The following MYO9A variants were observed in gnomAD, a reference collection of about 807,000 sequenced individuals.
The protein encoded by MYO9A is unconventional myosin-IXa.
In MYO9A, 103 loss-of-function variants were observed where a neutral mutation model predicts 293.3. That is an observed-to-expected ratio of 0.35 (90% CI 0.30 to 0.41). The LOEUF (loss-of-function observed/expected upper bound fraction) is 0.41. Among genes scored for constraint, MYO9A ranks in the 10% least tolerant of loss-of-function variants. The probability of loss-of-function intolerance (pLI) is 1.00; values close to 1 mark genes in which losing one functional copy is unlikely to be tolerated. For missense variants in MYO9A, 2,685 were observed against 3,033.0 expected (o/e 0.89, Z 2.69); for synonymous variants, 1,001 against 1,035.7 (o/e 0.97, Z 0.64).
In MYO9A at chr15:71,898,781, T is replaced by C; in HGVS notation, c.3722A>G (p.Gln1241Arg). ...PNKQQERAQSQSGVDLQEDVL... is the reference protein window; with the variant it reads ...PNKQQERAQSRSGVDLQEDVL... ...ATCTTCCTGCAAGTCCACACCACTC[T>C]GGCTTTGGGCTCTCTCCTGCTGCTT... is the stretch of plus-strand genomic sequence containing the variant. The change falls in exon 25 of 42, where the codon CAG becomes CGG. Residue 1241 changes from glutamine to arginine, a missense_variant. Around this residue, in one of 10 missense-constraint regions of MYO9A, gnomAD observed 1,434 missense variants for 1,497.7 expected, o/e 0.96. Transcript: ENST00000356056. 1 of 1,614,192 alleles carries C rather than the reference T, an allele frequency of 6.2e-7. No individual in the cohort carries two copies. The highest frequency in any genetic ancestry group is 8.5e-7 in the Non-Finnish European group (1 of 1,180,026).
At chr15:72,113,999 TAGG>T (rs2151188654) in intron 1 of MYO9A, among the ~76,000 whole-genome samples, 1 of 152,196 alleles carries the variant, frequency 6.6e-6, no homozygotes, top group African/African-American at 2.4e-5. Context: ...AGCTATGACA[TAGG>T]GGGAAAAAAA....
intron 2 of MYO9A, among the ~76,000 whole-genome samples, chr15:72,033,110 C>T (rs1250220329): frequency 6.6e-6 from 1 of 152,104 alleles, no homozygotes; most frequent in Admixed American, 6.5e-5. Flanking sequence ...CTCGGCCTCC[C>T]AAAGTGCTAG....
intron 1 of MYO9A, among the ~76,000 whole-genome samples, chr15:72,109,850 C>T (rs908659809): frequency 4.0e-5 from 6 of 151,672 alleles, no homozygotes; most frequent in African/African-American, 1.2e-4. Context: ...GAGCCAAGAT[C>T]GCACCACTGC....
intron 11 of MYO9A, among the ~76,000 whole-genome samples, chr15:71,990,116 A>T (rs1228474921): frequency 6.8e-6 from 1 of 148,084 alleles, no homozygotes; most frequent in Non-Finnish European, 1.5e-5. Context: ...AGACAGTCTC[A>T]TTCTGTTGCC....
At chr15:72,004,826 T>A (rs928044234) in intron 8 of MYO9A, among the ~76,000 whole-genome samples, 11 of 152,108 alleles carry the variant, frequency 7.2e-5, no homozygotes, top group African/African-American at 2.7e-4. Flanking sequence ...TACAAAAAAA[T>A]AACTGAAAAG....
Position 71,826,428 on chromosome 15 carries a change from G to T in MYO9A, c.*152C>A. On this transcript the variant is annotated 3_prime_UTR_variant, in exon 42 of 42. Coordinates refer to ENST00000356056, the MANE Select transcript of MYO9A (RefSeq NM_006901.4). ...GCTTTCTGCTTCTGCAGGAGGCCCA[G>T]GAATTCAGCACATACAGTCTTAGCC... 1.4e-6 allele frequency: 1 copy of T among 713,316 alleles called. No individual in the cohort carries two copies. The highest frequency in any genetic ancestry group is 2.2e-6 in the Non-Finnish European group (1 of 459,172). 44.2% of individuals were successfully genotyped at this position (713,316 alleles called of 1,614,324 possible).
chr15:71,829,202 ACAT>A (rs1216496999), intron 40 of MYO9A, among the ~76,000 whole-genome samples: 1 of 152,170 alleles, frequency 6.6e-6, no homozygotes, highest in African/African-American at 2.4e-5. Flanking sequence ...TGGTCAATGT[ACAT>A]CATCTTTGCC....
chr15:72,048,697 C>T (rs147992470), intron 1 of MYO9A, among the ~76,000 whole-genome samples: 222 of 152,034 alleles, frequency 1.5e-3, no homozygotes, highest in African/African-American at 4.7e-3. Context: ...CAAATTTTAC[C>T]TTGGCTATTT....
chr15:71,902,868 C>A, intron 22 of MYO9A, 73 bp downstream of exon 22: 1 of 1,209,650 alleles, frequency 8.3e-7, no homozygotes, highest in South Asian at 1.8e-5. Context: ...AATAAACAAT[C>A]TCATAGGCAA....
chr15:72,069,835 G>A (rs914093138), intron 1 of MYO9A, among the ~76,000 whole-genome samples: 2 of 152,000 alleles, frequency 1.3e-5, no homozygotes, highest in Non-Finnish European at 2.9e-5. Flanking sequence ...AGGGCCGGGG[G>A]AGGCTGGTGT....
chr15:72,000,851 A>T (rs2076843212), intron 8 of MYO9A, among the ~76,000 whole-genome samples: 1 of 152,220 alleles, frequency 6.6e-6, no homozygotes, highest in African/African-American at 2.4e-5. Flanking sequence ...TGCAGCATAT[A>T]AATATACCAC....
intron 19 of MYO9A, among the ~76,000 whole-genome samples, chr15:71,905,303 T>G (rs1433033125): frequency 6.6e-6 from 1 of 152,168 alleles, no homozygotes; most frequent in Non-Finnish European, 1.5e-5. Context: ...ATCAAACAAT[T>G]TTATTCAAAC....
chr15:71,827,132 G>GA (rs1315325486), intron 41 of MYO9A, 89 bp from the exon 42 acceptor site: 1 of 1,017,112 alleles, frequency 9.8e-7, no homozygotes, highest in Non-Finnish European at 1.4e-6. Context: ...GTTCACACAT[G>GA]AAATTGGGTG....
chr15:71,830,338 G>C, intron 39 of MYO9A, 27 bp from the exon 40 acceptor site: 1 of 1,602,804 alleles, frequency 6.2e-7, no homozygotes, highest in Non-Finnish European at 8.5e-7. Flanking sequence ...ATGTTAGAAA[G>C]TAAATTGAGT....
chr15:71,877,168 A>G (rs1159218322), intron 31 of MYO9A, among the ~76,000 whole-genome samples: 1 of 152,212 alleles, frequency 6.6e-6, no homozygotes, highest in Admixed American at 6.5e-5. Context: ...AAACACATTG[A>G]TAACTTTGTC....
At chr15:71,850,229 A>C in intron 37 of MYO9A, 62 bp from the exon 38 acceptor site, 1 of 1,575,410 alleles carries the variant, frequency 6.3e-7, no homozygotes, top group Non-Finnish European at 8.7e-7. Context: ...CACCATAGGG[A>C]AATAGGCAGA....
chr15:72,101,092 A>G (rs2080288438), intron 1 of MYO9A, among the ~76,000 whole-genome samples: 1 of 135,184 alleles, frequency 7.4e-6, no homozygotes, highest in African/African-American at 2.8e-5. Flanking sequence ...CCGCCAGGCC[A>G]GCCGCCCCGT....
chr15:71,874,765 G>T (rs1435530500), intron 32 of MYO9A, among the ~76,000 whole-genome samples: 2 of 152,038 alleles, frequency 1.3e-5, no homozygotes, highest in Non-Finnish European at 2.9e-5. Flanking sequence ...CCTCCCAAAC[G>T]CCTTCATATG....
In MYO9A at chr15:71,850,765, C is replaced by CAAAAAAAAAAAA. The variant is rs780727961; in HGVS notation, c.6581+476_6581+487dup. Among the ~76,000 whole-genome samples the CAAAAAAAAAAAA allele has an allele frequency of 4.3e-4, 19 of 44,124 alleles. 2 individuals are homozygous for CAAAAAAAAAAAA. Among genetic ancestry groups the CAAAAAAAAAAAA allele is most frequent in the African/African-American group, 7.0e-4 (7 of 10,004 alleles). 28.9% of individuals were successfully genotyped at this position (44,124 alleles called of 152,430 possible). A position where few individuals can be genotyped will look rare whatever the true frequency, so the allele number is the denominator to read the frequency against. On this transcript the variant is annotated intron_variant, in intron 37 of 41. Transcript: ENST00000356056. The stretch of plus-strand genomic sequence containing the variant: ...TGGGTGACAGACTGAAACTGTGTCT[C>CAAAAAAAAAAAA]AAAAAAAAAAAAAAAAAAAAAAAAA...
Sources: allele counts gnomAD v4.1 joint callset (sites outside exome capture counted in the v4.1 genomes callset), GRCh38; gene constraint gnomAD v4.1.1; regional missense constraint gnomAD v4.1.1; transcripts MANE v1.5; gene names NCBI Gene and HGNC (gene_info 2026-07-23, HGNC 2026-07-21).